Variants in GAR1 observed in about 807,000 individuals in gnomAD.
GAR1 encodes the protein GAR1 ribonucleoprotein, also known as H/ACA ribonucleoprotein complex subunit 1.
GAR1 carries 11 observed loss-of-function variants against 29.3 expected under a neutral mutation model. That is an observed-to-expected ratio of 0.38 (90% confidence interval 0.24 to 0.62). The LOEUF is 0.62. Ranked by LOEUF, GAR1 falls within the 20% of genes least tolerant of loss-of-function variation. The probability of loss-of-function intolerance (pLI) is 0.62; values close to 1 mark genes in which losing one functional copy is unlikely to be tolerated. For missense variants in GAR1, 237 were observed against 268.4 expected, an observed-to-expected ratio of 0.88 and a Z score of 0.82; for synonymous variants, 87 against 93.3, an observed-to-expected ratio of 0.93 and a Z score of 0.39.
At position 109,816,000 on chromosome 4, in the gene GAR1, C is replaced by T. The variant is rs553676182; in HGVS notation, c.-12-153C>T. 33 of 744,562 alleles carry T rather than the reference C, an allele frequency of 4.4e-5. 1 individual carries two copies. Among genetic ancestry groups the T allele is most frequent in the South Asian group, 6.3e-5 (4 of 63,068 alleles). 46.1% of individuals were successfully genotyped at this position (744,562 alleles called of 1,614,324 possible). ...ACCATGGAGAAGTAAACTCTTCACC[C>T]ATCAGGTTGGTGGTCACTGGCTGTC... On this transcript the variant is annotated intron_variant, in intron 1 of 6. Coordinates refer to ENST00000226796, the MANE Select transcript of GAR1 (RefSeq NM_018983.4).
Position 109,815,780 on chromosome 4 carries a change from A to G in GAR1, c.-37A>G, listed in dbSNP as rs1471370985. On this transcript the variant is annotated 5_prime_UTR_variant, in exon 1 of 7. Coordinates refer to ENST00000226796, the MANE Select transcript of GAR1 (RefSeq NM_018983.4). ...CGCGGGTGGGTGTGTGCGCAAGGCC[A>G]GGGCCAGAGGGGCACGTGGCGCCGG... 1 of 229,382 alleles carries G rather than the reference A, an allele frequency of 4.4e-6. No homozygotes were observed. Among genetic ancestry groups the G allele is most frequent in the Non-Finnish European group, 8.6e-6 (1 of 115,978 alleles). 14.2% of individuals were successfully genotyped at this position (229,382 alleles called of 1,614,324 possible). A position where few individuals can be genotyped will look rare whatever the true frequency, so the allele number is the denominator to read the frequency against.
At position 109,816,279 on chromosome 4, in the gene GAR1, G is replaced by C; in HGVS notation, c.115G>C (p.Gly39Arg). 1.9e-6 allele frequency: 3 copies of C among 1,611,270 alleles called. No individual in the cohort carries two copies. Among genetic ancestry groups the C allele is most frequent in the Non-Finnish European group, 1.7e-6 (2 of 1,178,926 alleles). The change falls in exon 2 of 7, where the codon GGC becomes CGC. Residue 39 changes from glycine (G) to arginine (R), a missense_variant. Transcript: ENST00000226796. ...FRGGGGGGGGGNFRGGGRGGF... is the reference protein window; with the variant it reads ...FRGGGGGGGGRNFRGGGRGGF... ...AGGTGGAGGCGGCGGTGGAGGCGGC[G>C]GCAATTTCAGAGGCGGCGGCAGGGG... is the stretch of plus-strand genomic sequence containing the variant.
chr4:109,822,631 C>T, intron 5 of GAR1, 143 bp downstream of exon 5: 1 of 758,068 alleles, frequency 1.3e-6, no homozygotes. Flanking sequence ...GCAGATTGTC[C>T]ATAATAATAA....
At position 109,822,380 on chromosome 4, in the gene GAR1, C is replaced by G. The variant is rs776196586; in HGVS notation, c.463C>G (p.Gln155Glu). 6 of 1,605,868 alleles carry G rather than the reference C, an allele frequency of 3.7e-6. No individual in the cohort carries two copies. Among genetic ancestry groups the G allele is most frequent in the Non-Finnish European group, 5.1e-6 (6 of 1,175,648 alleles). Residue 155 changes from glutamine to glutamate, a missense_variant, in exon 5 of 7, where the codon CAG becomes GAG. Coordinates refer to ENST00000226796, the MANE Select transcript of GAR1 (RefSeq NM_018983.4). ...AGACCCATATAAGCTGCTGCCACTG[C>G]AGAGGTTTTTACCTCGACCTCCAGG... ...YIDPYKLLPL[Q>E]RFLPRPPGEK...
At chr4:109,820,743 A>G (rs1579353407) in intron 4 of GAR1, among the ~76,000 whole-genome samples, 1 of 152,104 alleles carries the variant, frequency 6.6e-6, no homozygotes. Context: ...TGGGCCCGGG[A>G]GCCAGAATGG....
chr4:109,820,766 G>A (rs1424477834), intron 4 of GAR1, among the ~76,000 whole-genome samples: 4 of 152,168 alleles, frequency 2.6e-5, no homozygotes, highest in Non-Finnish European at 5.9e-5. Context: ...TAGGAAATGA[G>A]AGGGAGACAA....
chr4:109,821,109 A>T (rs1579353688), intron 4 of GAR1, among the ~76,000 whole-genome samples: 1 of 152,012 alleles, frequency 6.6e-6, no homozygotes, highest in African/African-American at 2.4e-5. Flanking sequence ...AGCCCTCCTT[A>T]CCCAGCCTGC....
intron 4 of GAR1, among the ~76,000 whole-genome samples, chr4:109,820,509 G>A (rs983311641): frequency 6.6e-6 from 1 of 151,868 alleles, no homozygotes; most frequent in Admixed American, 6.6e-5. Flanking sequence ...CACCTATGAA[G>A]AGTTTTGGGG....
At chr4:109,817,058 G>A (rs1240503070) in intron 2 of GAR1, among the ~76,000 whole-genome samples, 1 of 152,182 alleles carries the variant, frequency 6.6e-6, no homozygotes, top group East Asian at 1.9e-4. Context: ...GAGAGGGTGA[G>A]TAGTGTCTAA....
Position 109,824,731 on chromosome 4 carries a change from C to T in GAR1, c.*300C>T, listed in dbSNP as rs1254495069. 1.8e-5 allele frequency: 5 copies of T among 270,970 alleles called. No homozygotes were observed. Among genetic ancestry groups the T allele is most frequent in the Non-Finnish European group, 3.4e-5 (5 of 145,908 alleles). The allele number at this position is 270,970 out of a possible 1,614,324, so 16.8% of individuals were successfully genotyped here. ...AATTTTTAAAATAAAGTGTTTTATT[C>T]CCTTAAGTTATTTAGAGTGTGTTTA... On this transcript the variant is annotated 3_prime_UTR_variant, in exon 7 of 7. Transcript: ENST00000226796.
At chr4:109,818,614 G>A (rs1198780646) in intron 3 of GAR1, among the ~76,000 whole-genome samples, 1 of 145,146 alleles carries the variant, frequency 6.9e-6, no homozygotes, top group African/African-American at 2.6e-5. Context: ...GCCCAGGGTG[G>A]AGTGCAGTGG....
At position 109,824,017 on chromosome 4, in the gene GAR1, AGGT is replaced by A; in HGVS notation, c.631_633del (p.Gly211del). On this transcript the variant is annotated inframe_deletion, in exon 6 of 7. Transcript: ENST00000226796. ...GAGGTGGGGGCTTCAGAGGAGGAAG[AGGT>A]GGTGGTTTCAGAGGTGAGTATTTTA... is the stretch of plus-strand genomic sequence containing the variant. 4 of 1,605,864 alleles carry A rather than the reference AGGT, an allele frequency of 2.5e-6. No homozygotes were observed. The highest frequency in any genetic ancestry group is 1.1e-5 in the South Asian group (1 of 90,386).
chr4:109,821,691 G>A (rs1437356567), intron 4 of GAR1, among the ~76,000 whole-genome samples: 4 of 152,118 alleles, frequency 2.6e-5, no homozygotes, highest in Non-Finnish European at 4.4e-5. Flanking sequence ...GTTCTGTTGA[G>A]TGGAAATGTT....
upstream of GAR1, chr4:109,815,677 G>A (rs958886049): frequency 6.1e-6 from 1 of 164,678 alleles, no homozygotes; most frequent in South Asian, 1.5e-4. Flanking sequence ...TGGCAAACCA[G>A]TTATTCAAGT....
intron 5 of GAR1, among the ~76,000 whole-genome samples, chr4:109,823,120 T>C (rs1733564043): frequency 6.6e-6 from 1 of 152,188 alleles, no homozygotes; most frequent in Non-Finnish European, 1.5e-5. Flanking sequence ...TTTGGGCACA[T>C]TCATCATTAT....
At chr4:109,820,054 C>T (rs1312231001) in intron 4 of GAR1, among the ~76,000 whole-genome samples, 1 of 152,020 alleles carries the variant, frequency 6.6e-6, no homozygotes, top group Non-Finnish European at 1.5e-5. Flanking sequence ...TAAAAAGGCA[C>T]CTTGGGAAGC....
chr4:109,819,345 T>C (rs1387795759), intron 4 of GAR1: 13 of 396,834 alleles, frequency 3.3e-5, no homozygotes, highest in Non-Finnish European at 5.4e-5. Flanking sequence ...ATTGAAAAGC[T>C]TTCATGACCA....
At chr4:109,816,106 C>T (rs1733341046) in intron 1 of GAR1, 47 bp from the exon 2 acceptor site, 2 of 1,555,054 alleles carry the variant, frequency 1.3e-6, no homozygotes, top group Admixed American at 1.7e-5. Context: ...GGAGTATACT[C>T]AGAGGCTACA....
chr4:109,823,429 A>G (rs553490019), intron 5 of GAR1, among the ~76,000 whole-genome samples: 2 of 152,272 alleles, frequency 1.3e-5, no homozygotes, highest in Non-Finnish European at 2.9e-5. Context: ...CCCTATTCTC[A>G]TGTTATGTTG....
Sources: allele counts gnomAD v4.1 joint callset (sites outside exome capture counted in the v4.1 genomes callset), GRCh38; gene constraint gnomAD v4.1.1; transcripts MANE v1.5; gene names NCBI Gene and HGNC (gene_info 2026-07-23, HGNC 2026-07-21).